HM13: variants seen among roughly 807,000 people sequenced by gnomAD.
The protein encoded by HM13 is histocompatibility minor 13, also known as signal peptide peptidase.
Under a neutral mutation model 50.0 loss-of-function variants are expected in HM13, and 18 were observed. The observed-to-expected ratio is 0.36, with a 90% CI of 0.25 to 0.53. The LOEUF is 0.53. Ranked by LOEUF, HM13 falls within the 20% of genes least tolerant of loss-of-function variation. HM13 has a pLI of 0.90. For missense variants in HM13, 393 were observed against 552.4 expected, an observed-to-expected ratio of 0.71 and a Z score of 2.89; for synonymous variants, 197 against 232.6, an observed-to-expected ratio of 0.85 and a Z score of 1.39.
At position 31,550,134 on chromosome 20, in the gene HM13, C is replaced by A; in HGVS notation, c.724+13C>A. 5.6e-6 allele frequency: 9 copies of A among 1,611,538 alleles called. No homozygotes were observed. Among genetic ancestry groups the A allele is most frequent in the Non-Finnish European group, 7.6e-6 (9 of 1,177,652 alleles). On this transcript the variant is annotated intron_variant, in intron 7 of 12. Transcript: ENST00000398174. ...GCACCAATAAAATGTAAGTGACCAC[C>A]CTGCCACAGGGAACCCCTTCCCCCA...
intron 10 of HM13, chr20:31,562,598 C>A (rs1984678563): frequency 6.6e-6 from 1 of 152,236 alleles, no homozygotes; most frequent in African/African-American, 2.4e-5. Flanking sequence ...GAACTCTGGG[C>A]TTGCTGCTTC....
intron 7 of HM13, among the ~76,000 whole-genome samples, chr20:31,553,093 C>T (rs1984115123): frequency 6.6e-6 from 1 of 151,984 alleles, no homozygotes; most frequent in Non-Finnish European, 1.5e-5. Context: ...GTCAGGAATT[C>T]GAGACCAGCC....
intron 2 of HM13, among the ~76,000 whole-genome samples, chr20:31,536,596 A>C (rs1983120054): frequency 6.6e-6 from 1 of 152,088 alleles, no homozygotes; most frequent in South Asian, 2.1e-4. Flanking sequence ...GCAAATCTAA[A>C]GACTTTCCCA....
At chr20:31,561,924 A>T (rs550602139) in intron 10 of HM13, among the ~76,000 whole-genome samples, 188 bp downstream of exon 10, 76 of 152,258 alleles carry the variant, frequency 5.0e-4, no homozygotes, top group Non-Finnish European at 9.7e-4. Flanking sequence ...TCTAGGCAGC[A>T]TGGGCACGTT....
chr20:31,517,262 A>T (rs565745490), intron 1 of HM13, among the ~76,000 whole-genome samples: 1 of 152,196 alleles, frequency 6.6e-6, no homozygotes, highest in Admixed American at 6.6e-5. Flanking sequence ...TTGTGAAATC[A>T]TGGAGAGAAA....
intron 4 of HM13, among the ~76,000 whole-genome samples, chr20:31,546,568 C>T (rs1018320333): frequency 2.0e-5 from 3 of 151,472 alleles, no homozygotes; most frequent in African/African-American, 7.3e-5. Context: ...CTGGCCATCA[C>T]GGCGAAACCC....
intron 2 of HM13, 75 bp from the exon 3 acceptor site, chr20:31,538,104 A>C: frequency 6.4e-7 from 1 of 1,571,350 alleles, no homozygotes; most frequent in Non-Finnish European, 8.7e-7. Flanking sequence ...CCTCCAGAAG[A>C]GACGCAGGGA....
At chr20:31,528,117 G>C (rs1982605519) in intron 2 of HM13, 1 of 152,082 alleles carries the variant, frequency 6.6e-6, no homozygotes, top group African/African-American at 2.4e-5. Context: ...GGTGTATTCA[G>C]TTTGTAGCTG....
In HM13 at chr20:31,569,260, A is replaced by T; in HGVS notation, c.*41A>T. 7.3e-7 allele frequency: 1 copy of T among 1,378,204 alleles called. No homozygotes were observed. The highest frequency in any genetic ancestry group is 1.2e-5 in the South Asian group (1 of 82,152). 85.4% of individuals were successfully genotyped at this position (1,378,204 alleles called of 1,614,324 possible). On this transcript the variant is annotated 3_prime_UTR_variant, in exon 13 of 13. Coordinates refer to ENST00000398174, the MANE Select transcript of HM13 (RefSeq NM_178581.3). ...AGCCTCTCAGGGCCAGACCAGACAG[A>T]TGGGGGCTGGGCCCACACAGGCGTG...
rs1300852357 is a variant in HM13, at chr20:31,514,677, G to A, written c.126G>A (p.Met42Ile). ...TGGCCTACGGCAGCCTCCTGCTCAT[G>A]GCGCTGCTGCCCATCTTCTTCGGCG... ...IALAYGSLLL[M>I]ALLPIFFGAL... Residue 42 changes from methionine to isoleucine, a missense_variant, in exon 1 of 13, where the codon ATG (methionine) becomes ATA (isoleucine). By Grantham distance (10) the Met-to-Ile change is conservative (BLOSUM62 1). Around this residue, in one of 3 missense-constraint regions of HM13, gnomAD observed 214 missense variants for 276.1 expected, o/e 0.77. Coordinates refer to ENST00000398174, the MANE Select transcript of HM13 (RefSeq NM_178581.3). This position sits in a 1 kb window ranked among gnomAD's most constrained non-coding sequence, Gnocchi z 4.3. The A allele has an allele frequency of 7.1e-6, 11 of 1,557,620 alleles. No individual in the cohort carries two copies. The highest frequency in any genetic ancestry group is 1.2e-5 in the South Asian group (1 of 84,662).
chr20:31,533,369 G>A (rs1308256920), intron 2 of HM13, among the ~76,000 whole-genome samples: 1 of 152,204 alleles, frequency 6.6e-6, no homozygotes, highest in Admixed American at 6.5e-5. Flanking sequence ...ACCGAGCGTG[G>A]TGGCCCATGC....
chr20:31,533,043 G>A (rs1435769386), intron 2 of HM13, among the ~76,000 whole-genome samples: 1 of 152,222 alleles, frequency 6.6e-6, no homozygotes, highest in Non-Finnish European at 1.5e-5. Flanking sequence ...CTGAAAGGCA[G>A]CTGCCTGGAC....
At position 31,566,309 on chromosome 20, in the gene HM13, G is replaced by T. The variant is rs751071060; in HGVS notation, c.1034+14G>T. ...AGAGATGTTCAGGTAAGGCAGAGTG[G>T]GGGGCAGATGTCCTCATGGGCACCA... On this transcript the variant is annotated intron_variant, in intron 11 of 12. Transcript: ENST00000398174. 7 of 1,605,718 alleles carry T rather than the reference G, an allele frequency of 4.4e-6. No homozygotes were observed. The East Asian group carries it at 1.6e-4, about 36-fold the overall frequency.
At chr20:31,554,929 G>C in intron 8 of HM13, 100 bp downstream of exon 8, 2 of 1,036,908 alleles carry the variant, frequency 1.9e-6, no homozygotes, top group South Asian at 1.3e-5. Context: ...AGCTGAGAAA[G>C]AGAAAAGGTA....
chr20:31,541,448 A>G (rs1983446242), intron 3 of HM13: 1 of 151,428 alleles, frequency 6.6e-6, no homozygotes, highest in Non-Finnish European at 1.5e-5. Flanking sequence ...ATGCCACTGC[A>G]CTCCAGCCTG....
At chr20:31,532,843 AG>A (rs1473855531) in intron 2 of HM13, among the ~76,000 whole-genome samples, 4 of 152,222 alleles carry the variant, frequency 2.6e-5, no homozygotes, top group Admixed American at 6.5e-5. Context: ...TTTAGTATTT[AG>A]GATTCTTTCC....
chr20:31,531,598 A>T (rs1236341837), intron 2 of HM13, among the ~76,000 whole-genome samples: 3 of 151,228 alleles, frequency 2.0e-5, no homozygotes, highest in Non-Finnish European at 4.4e-5. Context: ...TGTTGTTGTT[A>T]TTGTTTTGTT....
At chr20:31,518,078 C>T (rs1233911386) in intron 1 of HM13, among the ~76,000 whole-genome samples, 10 of 150,576 alleles carry the variant, frequency 6.6e-5, no homozygotes, top group Admixed American at 2.6e-4. Context: ...TCTTGTTGCC[C>T]GGGCTGGAGT....
chr20:31,544,588 T>C (rs1983611755), intron 3 of HM13, among the ~76,000 whole-genome samples: 2 of 152,236 alleles, frequency 1.3e-5, no homozygotes, highest in South Asian at 4.1e-4. Flanking sequence ...AAGGGACTCA[T>C]ATAGGTGGCA....
Sources: gnomAD v4.1 joint callset for allele counts (sites outside exome capture counted in the v4.1 genomes callset) on GRCh38, gnomAD v4.1.1 for gene constraint, gnomAD v4.1.1 regional missense constraint, Gnocchi (gnomAD v3.1) non-coding constraint, MANE v1.5 for transcripts, NCBI Gene and HGNC (gene_info 2026-07-23, HGNC 2026-07-21) for gene names.